The following POU6F2 variants were observed in gnomAD, a reference collection of about 807,000 sequenced individuals.
POU6F2 encodes the protein POU domain, class 6, transcription factor 2.
In POU6F2, 31 loss-of-function variants were observed where a neutral mutation model predicts 71.3. The observed-to-expected ratio is 0.43, with a 90% confidence interval of 0.33 to 0.59. The LOEUF (loss-of-function observed/expected upper bound fraction) is 0.59, where lower values mean the gene tolerates loss of function less well. POU6F2 is among the 20% of genes least tolerant of loss of function. The pLI is 0.04. For synonymous variants in POU6F2, 347 were observed against 355.7 expected, an observed-to-expected ratio of 0.98 and a Z score of 0.27; for missense variants, 783 against 856.8, an observed-to-expected ratio of 0.91 and a Z score of 1.07.
At chr7:39,053,562 T>C (rs1361570658) in intron 1 of POU6F2, among the ~76,000 whole-genome samples, 24 of 152,148 alleles carry the variant, frequency 1.6e-4, no homozygotes, top group Non-Finnish European at 1.5e-5. Context: ...ATGTTCTTTT[T>C]TTCTGAACAT....
chr7:39,019,359 C>G (rs559717524), intron 1 of POU6F2, among the ~76,000 whole-genome samples: 4 of 152,218 alleles, frequency 2.6e-5, no homozygotes, highest in Middle Eastern at 3.4e-3. Context: ...TCTTTGGAAG[C>G]TTTTAGGACC....
chr7:39,051,907 A>G (rs181223645), intron 1 of POU6F2, among the ~76,000 whole-genome samples: 4 of 152,218 alleles, frequency 2.6e-5, no homozygotes, highest in Admixed American at 1.3e-4. Context: ...GTCATGCACA[A>G]TACTGTGTGG....
intron 4 of POU6F2, among the ~76,000 whole-genome samples, chr7:39,256,847 A>G (rs1184648550): frequency 6.6e-6 from 1 of 152,184 alleles, no homozygotes; most frequent in Non-Finnish European, 1.5e-5. Flanking sequence ...AGATTCTCCT[A>G]TAGAGCCTCC....
At chr7:39,088,752 G>GT (rs953377052) in intron 2 of POU6F2, among the ~76,000 whole-genome samples, 3 of 152,120 alleles carry the variant, frequency 2.0e-5, no homozygotes, top group African/African-American at 7.2e-5. Flanking sequence ...AGAGCTCAGG[G>GT]TTTTTTTATT....
intron 7 of POU6F2, among the ~76,000 whole-genome samples, chr7:39,442,811 G>T (rs1788435600): frequency 6.6e-6 from 1 of 152,132 alleles, no homozygotes. Flanking sequence ...TTGCCAAAAA[G>T]GTGATGAATT....
intron 1 of POU6F2, among the ~76,000 whole-genome samples, chr7:39,002,920 G>A (rs1000389997): frequency 3.9e-5 from 6 of 152,220 alleles, no homozygotes; most frequent in African/African-American, 1.2e-4. Flanking sequence ...GTTAGACTAT[G>A]AAAAGAGCGT....
intron 4 of POU6F2, among the ~76,000 whole-genome samples, chr7:39,258,897 T>C (rs1784078091): frequency 1.3e-5 from 2 of 152,180 alleles, no homozygotes; most frequent in Non-Finnish European, 2.9e-5. Context: ...AGGCCATTTG[T>C]AACTGTTAGG....
intron 2 of POU6F2, among the ~76,000 whole-genome samples, chr7:39,161,747 A>T (rs1793003389): frequency 6.6e-6 from 1 of 152,216 alleles, no homozygotes; most frequent in Non-Finnish European, 1.5e-5. Flanking sequence ...TCAGGGAAGA[A>T]CATCCGGAGA....
chr7:39,196,309 A>C lies in POU6F2; in HGVS notation c.278-7926A>C, dbSNP rs576948300. ...CATAGATAATGAGTTAGAAAACAAAATCGTATTTTATCAATTTCCCACCAA... is the reference window on the plus strand; with the variant it reads ...CATAGATAATGAGTTAGAAAACAAACTCGTATTTTATCAATTTCCCACCAA... On this transcript the variant is annotated intron_variant, in intron 2 of 9. Transcript: ENST00000518318. 9.2e-5 allele frequency among the ~76,000 whole-genome samples: 14 copies of C among 152,308 alleles called. No homozygotes were observed. In the East Asian group the frequency reaches 2.7e-3, roughly 29 times the overall value.
chr7:39,182,851 C>T (rs1793461771), intron 2 of POU6F2, among the ~76,000 whole-genome samples: 1 of 152,178 alleles, frequency 6.6e-6, no homozygotes, highest in Non-Finnish European at 1.5e-5. Context: ...TCAACATCAC[C>T]ATCAGAGTCC....
intron 5 of POU6F2, among the ~76,000 whole-genome samples, chr7:39,374,002 T>C (rs1046659864): frequency 3.3e-5 from 5 of 152,240 alleles, no homozygotes; most frequent in Non-Finnish European, 7.3e-5. Flanking sequence ...ATATCACTTC[T>C]TATTGATCAC....
intron 5 of POU6F2, among the ~76,000 whole-genome samples, chr7:39,376,843 T>A (rs1464781074): frequency 1.3e-5 from 2 of 151,262 alleles, no homozygotes; most frequent in Non-Finnish European, 2.9e-5. Flanking sequence ...ATTTTTGCTC[T>A]ATTTTAATAT....
At chr7:39,213,027 C>T (rs1179589053) in intron 4 of POU6F2, among the ~76,000 whole-genome samples, 1 of 152,184 alleles carries the variant, frequency 6.6e-6, no homozygotes, top group East Asian at 1.9e-4. Flanking sequence ...GTGACTTGTT[C>T]TCACAGCACA....
At chr7:39,435,792 G>T (rs10234569) in intron 7 of POU6F2, among the ~76,000 whole-genome samples, 51,234 of 152,006 alleles carry the variant, frequency 0.34, 9,649 homozygotes, top group East Asian at 0.58. Flanking sequence ...CCATCTTGAG[G>T]TAATTTTTAT....
At chr7:39,453,769 G>A (rs1266699546) in intron 8 of POU6F2, among the ~76,000 whole-genome samples, 1 of 152,198 alleles carries the variant, frequency 6.6e-6, no homozygotes, top group Non-Finnish European at 1.5e-5. Flanking sequence ...TTTATGATGA[G>A]TGAACCATAT....
intron 2 of POU6F2, among the ~76,000 whole-genome samples, chr7:39,200,342 G>T (rs943265708): frequency 6.6e-6 from 1 of 152,152 alleles, no homozygotes; most frequent in African/African-American, 2.4e-5. Flanking sequence ...TCTGTGTTCA[G>T]GAAGCTCCAC....
intron 4 of POU6F2, among the ~76,000 whole-genome samples, chr7:39,214,529 T>C (rs1280196785): frequency 2.6e-5 from 4 of 152,238 alleles, no homozygotes; most frequent in African/African-American, 9.6e-5. Context: ...CCTGCTGCTG[T>C]AGAGGAGAAT....
intron 2 of POU6F2, among the ~76,000 whole-genome samples, chr7:39,186,268 G>C (rs922901268): frequency 1.3e-5 from 2 of 152,116 alleles, no homozygotes; most frequent in Non-Finnish European, 2.9e-5. Flanking sequence ...GCTCTCCTGC[G>C]GGGCAAGGAC....
chr7:39,256,491 G>C (rs761969081), intron 4 of POU6F2, among the ~76,000 whole-genome samples: 60 of 152,158 alleles, frequency 3.9e-4, no homozygotes, highest in Non-Finnish European at 6.9e-4. Flanking sequence ...GAAGAAAAAT[G>C]CTCCCTCACC....
Sources: gnomAD v4.1 joint callset for allele counts (sites outside exome capture counted in the v4.1 genomes callset) on GRCh38, gnomAD v4.1.1 for gene constraint, MANE v1.5 for transcripts, NCBI Gene and HGNC (gene_info 2026-07-23, HGNC 2026-07-21) for gene names.